PLXDC2: variants seen among roughly 807,000 people sequenced by gnomAD.
PLXDC2 encodes the protein plexin domain containing 2, also known as plexin domain-containing protein 2.
In PLXDC2, 40 loss-of-function variants were observed where a neutral mutation model predicts 68.9. The observed-to-expected ratio is 0.58, with a 90% CI of 0.45 to 0.76. PLXDC2 has a LOEUF of 0.76. Ranked by LOEUF, PLXDC2 falls within the 30% of genes least tolerant of loss-of-function variation. The probability of loss-of-function intolerance (pLI) is 0.00; values close to 1 mark genes in which losing one functional copy is unlikely to be tolerated. For synonymous variants in PLXDC2, 243 were observed against 234.2 expected (o/e 1.04, Z -0.34); for missense variants, 644 against 661.9 (o/e 0.97, Z 0.30).
At chr10:20,068,320 A>G in intron 4 of PLXDC2, 81 bp downstream of exon 4, 2 of 1,154,426 alleles carry the variant, frequency 1.7e-6, no homozygotes, top group Non-Finnish European at 2.5e-6. Context: ...CTATATTTCA[A>G]GATGGATATT....
intron 7 of PLXDC2, among the ~76,000 whole-genome samples, chr10:20,164,989 C>T (rs7921236): frequency 0.92 from 140,341 of 152,030 alleles, 64,873 homozygotes; most frequent in Non-Finnish European, 0.94. Flanking sequence ...GCTTGGCTAA[C>T]TTTTTTTATT....
chr10:20,203,106 C>T lies in PLXDC2; in HGVS notation c.1062-8563C>T, dbSNP rs76729599. Among the ~76,000 whole-genome samples, 480 of 152,072 alleles carry T rather than the reference C, an allele frequency of 3.2e-3. 3 individuals are homozygous for T. Among genetic ancestry groups the T allele is most frequent in the African/African-American group, 0.011 (460 of 41,484 alleles). ...CAACTCTTTCCTGTCCTACAGACTC[C>T]CAAACTGAAAACAGACTAGTTATAA... On this transcript the variant is annotated intron_variant, in intron 9 of 13. Coordinates refer to ENST00000377252, the MANE Select transcript of PLXDC2 (RefSeq NM_032812.9).
At chr10:19,875,618 T>C (rs1291680926) in intron 1 of PLXDC2, among the ~76,000 whole-genome samples, 23 of 152,332 alleles carry the variant, frequency 1.5e-4, no homozygotes, top group Admixed American at 1.1e-3. Flanking sequence ...CACTAGTCAA[T>C]GTTCAATCTC....
chr10:20,081,595 G>A (rs1002514672), intron 4 of PLXDC2, among the ~76,000 whole-genome samples: 2 of 152,048 alleles, frequency 1.3e-5, no homozygotes, highest in African/African-American at 4.8e-5. Flanking sequence ...TAGGAAGCTC[G>A]GAGAAAAACA....
intron 2 of PLXDC2, among the ~76,000 whole-genome samples, chr10:20,008,279 G>A (rs771474175): frequency 1.3e-5 from 2 of 152,202 alleles, no homozygotes; most frequent in Non-Finnish European, 2.9e-5. Context: ...TGTAGGCCAG[G>A]CGTGGTGGCT....
chr10:20,033,698 G>A (rs1835537036), intron 2 of PLXDC2, among the ~76,000 whole-genome samples: 1 of 152,080 alleles, frequency 6.6e-6, no homozygotes, highest in African/African-American at 2.4e-5. Flanking sequence ...AACAGCATGG[G>A]AAAGATTCAC....
intron 1 of PLXDC2, among the ~76,000 whole-genome samples, chr10:19,980,114 G>A (rs1466474535): frequency 6.6e-6 from 1 of 152,172 alleles, no homozygotes; most frequent in Non-Finnish European, 1.5e-5. Context: ...TGACATACAA[G>A]ACATATAAAA....
intron 1 of PLXDC2, among the ~76,000 whole-genome samples, chr10:19,839,635 G>GCTTT (rs11433960): frequency 1.4e-5 from 2 of 147,292 alleles, no homozygotes; most frequent in Non-Finnish European, 1.5e-5. Flanking sequence ...ACATGTTGGT[G>GCTTT]TTTTTTTTTT....
intron 9 of PLXDC2, among the ~76,000 whole-genome samples, chr10:20,195,984 C>T (rs1356183245): frequency 2.0e-5 from 3 of 152,092 alleles, no homozygotes; most frequent in African/African-American, 7.2e-5. Context: ...TCTCTTTTCC[C>T]CCTTTATGCA....
At chr10:19,988,421 C>T (rs922646174) in intron 1 of PLXDC2, among the ~76,000 whole-genome samples, 2 of 151,886 alleles carry the variant, frequency 1.3e-5, no homozygotes, top group African/African-American at 4.8e-5. Context: ...TTAAGTAATC[C>T]TCTTAATATC....
intron 1 of PLXDC2, among the ~76,000 whole-genome samples, chr10:19,820,679 C>A (rs377481490): frequency 6.6e-6 from 1 of 151,504 alleles, no homozygotes; most frequent in Middle Eastern, 3.4e-3. Flanking sequence ...GTGTCCTTAT[C>A]AATTAGTTTT....
At chr10:19,829,410 CAA>C (rs1836641971) in intron 1 of PLXDC2, among the ~76,000 whole-genome samples, 2 of 152,170 alleles carry the variant, frequency 1.3e-5, no homozygotes, top group South Asian at 2.1e-4. Flanking sequence ...ATCACTCATG[CAA>C]AGAGTTTTGT....
intron 1 of PLXDC2, among the ~76,000 whole-genome samples, chr10:19,934,302 T>A (rs188147380): frequency 6.6e-6 from 1 of 152,322 alleles, no homozygotes; most frequent in Admixed American, 6.5e-5. Flanking sequence ...AAGTAAAGAG[T>A]TGAAAAGTTA....
At chr10:20,124,728 C>A (rs1265664602) in intron 4 of PLXDC2, among the ~76,000 whole-genome samples, 2 of 149,102 alleles carry the variant, frequency 1.3e-5, no homozygotes, top group African/African-American at 5.0e-5. Flanking sequence ...GTGGGGGTCA[C>A]AAGGTACTCA....
chr10:19,918,376 G>A (rs911914644), intron 1 of PLXDC2, among the ~76,000 whole-genome samples: 2 of 152,134 alleles, frequency 1.3e-5, no homozygotes, highest in Admixed American at 6.5e-5. Flanking sequence ...CCTAAGTGAC[G>A]AGAAGAACAG....
intron 1 of PLXDC2, among the ~76,000 whole-genome samples, chr10:19,834,751 A>G (rs534299852): frequency 2.7e-4 from 41 of 152,384 alleles, no homozygotes; most frequent in Middle Eastern, 3.4e-3. Flanking sequence ...TTTATTCACT[A>G]TACAAACATT....
At chr10:20,051,674 C>T (rs1835904135) in intron 3 of PLXDC2, among the ~76,000 whole-genome samples, 1 of 151,844 alleles carries the variant, frequency 6.6e-6, no homozygotes. Flanking sequence ...CTTGTGCTCT[C>T]CCGTGCTTTT....
chr10:20,147,813 G>C lies in PLXDC2; in HGVS notation c.694G>C (p.Val232Leu). 1 of 1,613,098 alleles carries C rather than the reference G, an allele frequency of 6.2e-7. No individual in the cohort carries two copies. Among genetic ancestry groups the C allele is most frequent in the Non-Finnish European group, 8.5e-7 (1 of 1,179,158 alleles). Residue 232 changes from valine (V) to leucine (L), a missense_variant, in exon 6 of 14, where the codon GTA becomes CTA. Coordinates refer to ENST00000377252, the MANE Select transcript of PLXDC2 (RefSeq NM_032812.9). ...GTALVVQWDH[V>L]HLQDNYNLGS... is the part of the protein sequence containing the mutation. ...AGCACTTGTGGTCCAGTGGGACCAT[G>C]TACATCTCCAGGATAATTATAACCT...
chr10:20,195,284 G>C (rs7097401), intron 9 of PLXDC2, among the ~76,000 whole-genome samples: 2 of 151,912 alleles, frequency 1.3e-5, no homozygotes, highest in Non-Finnish European at 2.9e-5. Flanking sequence ...TCTGGACAGA[G>C]CTCGAAGATC....
Sources: gnomAD v4.1 joint callset for allele counts (sites outside exome capture counted in the v4.1 genomes callset) on GRCh38, gnomAD v4.1.1 for gene constraint, MANE v1.5 for transcripts, NCBI Gene and HGNC (gene_info 2026-07-23, HGNC 2026-07-21) for gene names.